AFF4: variants seen among roughly 807,000 people sequenced by gnomAD.
AFF4 encodes the protein AF4/FMR2 family member 4.
A neutral mutation model predicts 124.8 loss-of-function variants in AFF4; 13 were observed. The observed-to-expected ratio is 0.10, with a 90% CI of 0.07 to 0.17. AFF4 has a LOEUF of 0.17. Among genes scored for constraint, AFF4 ranks in the 10% least tolerant of loss-of-function variants. AFF4 has a pLI of 1.00. For missense variants in AFF4, 1,092 were observed against 1,403.8 expected, an observed-to-expected ratio of 0.78 and a Z score of 3.55; for synonymous variants, 477 against 496.1, an observed-to-expected ratio of 0.96 and a Z score of 0.51.
intron 4 of AFF4, among the ~76,000 whole-genome samples, chr5:132,930,475 GGAGA>G (rs956698131): frequency 4.6e-5 from 7 of 152,256 alleles, no homozygotes; most frequent in Middle Eastern, 3.4e-3. Flanking sequence ...CTGGATGGAG[GGAGA>G]AAGATAATGA....
intron 5 of AFF4, among the ~76,000 whole-genome samples, chr5:132,911,694 T>C (rs1463433832): frequency 6.7e-6 from 1 of 150,354 alleles, no homozygotes; most frequent in African/African-American, 2.4e-5. Flanking sequence ...AATTGAGTAA[T>C]AGCAAGTTTC....
intron 3 of AFF4, among the ~76,000 whole-genome samples, chr5:132,932,741 A>G (rs1026553320): frequency 6.6e-6 from 1 of 152,222 alleles, no homozygotes. Context: ...AGTATTACTG[A>G]AAGATTACTA....
At chr5:132,921,356 A>C (rs1302001910) in intron 5 of AFF4, among the ~76,000 whole-genome samples, 1 of 152,194 alleles carries the variant, frequency 6.6e-6, no homozygotes, top group Admixed American at 6.5e-5. Flanking sequence ...AAAGACTGAC[A>C]ATATCAAGTG....
chr5:132,939,257 G>A (rs1761510834), intron 1 of AFF4, among the ~76,000 whole-genome samples: 1 of 149,910 alleles, frequency 6.7e-6, no homozygotes, highest in Non-Finnish European at 1.5e-5. Flanking sequence ...TTTCAGATAT[G>A]TTTTCAAATT....
intron 5 of AFF4, among the ~76,000 whole-genome samples, chr5:132,905,346 AT>A (rs1298550930): frequency 1.3e-5 from 2 of 152,254 alleles, no homozygotes; most frequent in Non-Finnish European, 2.9e-5. Flanking sequence ...ATTTCTCAAA[AT>A]TAAATCTGGA....
chr5:132,940,685 A>G (rs143765549), intron 1 of AFF4, among the ~76,000 whole-genome samples: 189 of 152,316 alleles, frequency 1.2e-3, no homozygotes, highest in Non-Finnish European at 2.1e-3. Context: ...AAGTCACACA[A>G]GTGAACACTT....
At chr5:132,884,344 A>G (rs1760061172) in intron 19 of AFF4, among the ~76,000 whole-genome samples, 1 of 152,090 alleles carries the variant, frequency 6.6e-6, no homozygotes, top group Admixed American at 6.6e-5. Flanking sequence ...GGTTCCAATG[A>G]TTCTCCTGCC....
chr5:132,953,812 T>G (rs1761893914), intron 1 of AFF4, among the ~76,000 whole-genome samples: 1 of 152,154 alleles, frequency 6.6e-6, no homozygotes, highest in Admixed American at 6.6e-5. Flanking sequence ...TATCTTCCGC[T>G]TGAATAAACG....
intron 13 of AFF4, 108 bp downstream of exon 13, chr5:132,892,054 CCT>C: frequency 6.7e-7 from 1 of 1,482,138 alleles, no homozygotes; most frequent in East Asian, 2.3e-5. Context: ...AAGACATAGG[CCT>C]ATATATTTAC....
At chr5:132,930,021 T>C (rs897340216) in intron 4 of AFF4, among the ~76,000 whole-genome samples, 1 of 152,132 alleles carries the variant, frequency 6.6e-6, no homozygotes, top group Non-Finnish European at 1.5e-5. Flanking sequence ...AGGAAGAAAT[T>C]AGAGATATTT....
chr5:132,893,509 TATTTA>T lies in AFF4; in HGVS notation c.2308-396_2308-392del, dbSNP rs1466851406. On this transcript the variant is annotated intron_variant, in intron 11 of 20. Transcript: ENST00000265343. ...CATTACCACAATGAAATTTTAATTT[TATTTA>T]TTTAGTTATTTATTTATTTTTCAGA... Among the ~76,000 whole-genome samples the T allele has an allele frequency of 2.6e-5, 4 of 152,336 alleles. No individual in the cohort carries two copies. The East Asian group carries it at 5.8e-4, about 22-fold the overall frequency.
At chr5:132,893,458 A>G (rs1345879195) in intron 11 of AFF4, among the ~76,000 whole-genome samples, 2 of 152,178 alleles carry the variant, frequency 1.3e-5, no homozygotes, top group African/African-American at 4.8e-5. Flanking sequence ...ATTCCATAAC[A>G]TTTGGTATAT....
At position 132,876,519 on chromosome 5, in the gene AFF4, G is replaced by A. The variant is rs769057995; in HGVS notation, c.*4540C>T. ...AGAATGGCAAGTTATGTTTAGCTGAGTAACAGTGGCAAGGAGAGGTCAATG... is the reference window on the plus strand; with the variant it reads ...AGAATGGCAAGTTATGTTTAGCTGAATAACAGTGGCAAGGAGAGGTCAATG... On this transcript the variant is annotated 3_prime_UTR_variant, in exon 21 of 21. Coordinates refer to ENST00000265343, the MANE Select transcript of AFF4 (RefSeq NM_014423.4). The A allele has an allele frequency of 8.4e-5, 18 of 215,444 alleles. No homozygotes were observed. Among genetic ancestry groups the A allele is most frequent in the South Asian group, 7.4e-4 (4 of 5,370 alleles). 13.3% of individuals were successfully genotyped at this position (215,444 alleles called of 1,614,324 possible).
intron 5 of AFF4, among the ~76,000 whole-genome samples, chr5:132,915,428 A>G (rs991201653): frequency 6.6e-6 from 1 of 152,168 alleles, no homozygotes; most frequent in Non-Finnish European, 1.5e-5. Context: ...AATCCATTCT[A>G]TAAGGCCATC....
At chr5:132,884,488 C>A (rs573192802) in intron 19 of AFF4, among the ~76,000 whole-genome samples, 52 of 152,268 alleles carry the variant, frequency 3.4e-4, no homozygotes, top group African/African-American at 9.9e-4. Flanking sequence ...GATCTGCCCA[C>A]CTCGGCCTCT....
Position 132,896,444 on chromosome 5 carries a change from TTTCCTGGTA to T in AFF4, c.2177_2185del (p.Ile726_Gly728del). 1 of 1,614,230 alleles carries T rather than the reference TTTCCTGGTA, an allele frequency of 6.2e-7. No homozygotes were observed. Among genetic ancestry groups the T allele is most frequent in the Non-Finnish European group, 8.5e-7 (1 of 1,180,030 alleles). On this transcript the variant is annotated inframe_deletion, in exon 11 of 21. Coordinates refer to ENST00000265343, the MANE Select transcript of AFF4 (RefSeq NM_014423.4). ...GGGCGGCTCTGTTTCTTTGTAAGGC[TTTCCTGGTA>T]TTCTAGTCAAAAGATTCAGGTCAAT...
intron 1 of AFF4, chr5:132,945,302 T>A (rs1423322059): frequency 1.3e-5 from 2 of 152,188 alleles, no homozygotes; most frequent in Admixed American, 1.3e-4. Context: ...CAAGAATCTG[T>A]CTCAGAATTT....
chr5:132,946,610 A>T (rs750215805), intron 1 of AFF4, among the ~76,000 whole-genome samples: 2 of 152,204 alleles, frequency 1.3e-5, no homozygotes, highest in Non-Finnish European at 2.9e-5. Flanking sequence ...TCTACTTAAT[A>T]TGAGGCACCT....
chr5:132,940,172 C>A (rs1402092012), intron 1 of AFF4, among the ~76,000 whole-genome samples: 2 of 151,486 alleles, frequency 1.3e-5, no homozygotes, highest in Non-Finnish European at 2.9e-5. Flanking sequence ...TGGACTCCAG[C>A]CTGGGTGACA....
Sources: gnomAD v4.1 joint callset for allele counts (sites outside exome capture counted in the v4.1 genomes callset) on GRCh38, gnomAD v4.1.1 for gene constraint, MANE v1.5 for transcripts, NCBI Gene and HGNC (gene_info 2026-07-23, HGNC 2026-07-21) for gene names.